Variants in ZBTB20 observed in about 807,000 individuals in gnomAD.
The protein encoded by ZBTB20 is zinc finger and BTB domain containing 20, also known as zinc finger and BTB domain-containing protein 20.
A neutral mutation model predicts 56.9 loss-of-function variants in ZBTB20; 9 were observed. That is an observed-to-expected ratio of 0.16 (90% CI 0.10 to 0.28). The LOEUF (loss-of-function observed/expected upper bound fraction) is 0.28, where lower values mean the gene tolerates loss of function less well. ZBTB20 is among the 10% of genes least tolerant of loss of function. The pLI, the probability that ZBTB20 is intolerant of heterozygous loss-of-function variation, is 1.00. For synonymous variants in ZBTB20, 417 were observed against 420.7 expected, an observed-to-expected ratio of 0.99 and a Z score of 0.11; for missense variants, 655 against 1,003.0, an observed-to-expected ratio of 0.65 and a Z score of 4.69.
chr3:114,474,549 G>A (rs1032858511), intron 7 of ZBTB20, among the ~76,000 whole-genome samples: 3 of 151,990 alleles, frequency 2.0e-5, no homozygotes, highest in African/African-American at 4.8e-5. Context: ...CTCCAAGCCC[G>A]GCCCTTCTGC....
chr3:115,052,315 G>C (rs1419847970), intron 2 of ZBTB20, among the ~76,000 whole-genome samples: 4 of 151,850 alleles, frequency 2.6e-5, no homozygotes. Flanking sequence ...AAATTAGCTG[G>C]GCATGGTGGT....
At chr3:114,582,000 A>T (rs926172147) in intron 6 of ZBTB20, 1 of 152,224 alleles carries the variant, frequency 6.6e-6, no homozygotes, top group Admixed American at 6.5e-5. Context: ...AGAATTGATA[A>T]ATAAATTTTA....
intron 5 of ZBTB20, among the ~76,000 whole-genome samples, chr3:114,793,757 T>C (rs2071147998): frequency 6.6e-6 from 1 of 151,950 alleles, no homozygotes; most frequent in Non-Finnish European, 1.5e-5. Flanking sequence ...TATATCAGAG[T>C]ATGAATGCAG....
chr3:115,046,004 G>A (rs1237363002), intron 2 of ZBTB20, among the ~76,000 whole-genome samples: 1 of 152,108 alleles, frequency 6.6e-6, no homozygotes, highest in Non-Finnish European at 1.5e-5. Context: ...AATTGTGTGA[G>A]CCATAGATCA....
At chr3:114,561,936 C>T (rs970454894) in intron 6 of ZBTB20, among the ~76,000 whole-genome samples, 2 of 152,106 alleles carry the variant, frequency 1.3e-5, no homozygotes, top group Non-Finnish European at 2.9e-5. Flanking sequence ...GTCAGCCACC[C>T]TCATCAATTA....
At chr3:114,707,549 C>T (rs1006240433) in intron 5 of ZBTB20, among the ~76,000 whole-genome samples, 4 of 152,248 alleles carry the variant, frequency 2.6e-5, no homozygotes, top group South Asian at 2.1e-4. Context: ...TATACATGCC[C>T]GACCCTTTCC....
intron 4 of ZBTB20, among the ~76,000 whole-genome samples, chr3:114,844,373 T>TATATATA (rs1467342908): frequency 2.3e-5 from 2 of 88,282 alleles, no homozygotes; most frequent in African/African-American, 7.3e-5. Flanking sequence ...ATATATATAT[T>TATATATA]AGCTGAGAGT....
chr3:114,929,556 T>C (rs901868872), intron 3 of ZBTB20, among the ~76,000 whole-genome samples: 2 of 152,208 alleles, frequency 1.3e-5, no homozygotes, highest in African/African-American at 4.8e-5. Flanking sequence ...GAAATTACTA[T>C]AAAATGTAAT....
intron 1 of ZBTB20, among the ~76,000 whole-genome samples, chr3:115,126,754 G>A (rs377182040): frequency 4.6e-5 from 7 of 152,274 alleles, no homozygotes; most frequent in African/African-American, 1.7e-4. Context: ...TAAGCACAAA[G>A]TTTAAGATAG....
At chr3:114,384,085 T>C (rs926003441) in intron 8 of ZBTB20, among the ~76,000 whole-genome samples, 3 of 150,928 alleles carry the variant, frequency 2.0e-5, no homozygotes, top group Admixed American at 6.6e-5. Context: ...TCAGTCTCTT[T>C]CTTTTCAGTT....
rs749283926 is a variant in ZBTB20 at position 114,381,349 on chromosome 3, T to C, written c.-153-409A>G. 7.9e-5 allele frequency among the ~76,000 whole-genome samples: 12 copies of C among 152,290 alleles called. No homozygotes were observed. The East Asian group carries it at 2.3e-3, about 29-fold the overall frequency. ...AGAAAGTAATTGTTACTAATTGTTA[T>C]ATGGGGTCAGGAATAGGAAGTAAAA... On this transcript the variant is annotated intron_variant, in intron 8 of 11. Transcript: ENST00000675478.
intron 6 of ZBTB20, among the ~76,000 whole-genome samples, chr3:114,679,938 T>C (rs1387871409): frequency 1.3e-5 from 2 of 152,172 alleles, no homozygotes; most frequent in Non-Finnish European, 2.9e-5. Context: ...CATATACACA[T>C]GGAATACTAT....
At chr3:114,741,600 T>G (rs1003346295) in intron 5 of ZBTB20, among the ~76,000 whole-genome samples, 1 of 151,890 alleles carries the variant, frequency 6.6e-6, no homozygotes, top group Non-Finnish European at 1.5e-5. Flanking sequence ...AAGAGGCCGG[T>G]GCGGTGGCTC....
chr3:114,650,034 A>G (rs891314754), intron 6 of ZBTB20, among the ~76,000 whole-genome samples: 1 of 151,988 alleles, frequency 6.6e-6, no homozygotes, highest in African/African-American at 2.4e-5. Flanking sequence ...TTTCAATTAC[A>G]AAGAGAGCTA....
intron 7 of ZBTB20, among the ~76,000 whole-genome samples, chr3:114,419,684 A>G (rs1244176204): frequency 6.6e-6 from 1 of 152,134 alleles, no homozygotes; most frequent in Non-Finnish European, 1.5e-5. Flanking sequence ...CACACTTAGC[A>G]TATAAAATAA....
intron 7 of ZBTB20, among the ~76,000 whole-genome samples, chr3:114,426,381 C>A (rs1210274032): frequency 6.7e-6 from 1 of 149,152 alleles, no homozygotes; most frequent in Non-Finnish European, 1.5e-5. Context: ...ATTGCCTCCT[C>A]ACTCCAAACA....
intron 5 of ZBTB20, among the ~76,000 whole-genome samples, chr3:114,794,285 AT>A: frequency 6.6e-6 from 1 of 152,094 alleles, no homozygotes; most frequent in South Asian, 2.1e-4. Context: ...TATTGTTCAG[AT>A]TTTTTATTAA....
intron 5 of ZBTB20, among the ~76,000 whole-genome samples, chr3:114,730,410 G>C (rs952623875): frequency 2.6e-5 from 4 of 152,166 alleles, no homozygotes; most frequent in Non-Finnish European, 5.9e-5. Context: ...AGGATTTGTG[G>C]ATATTAGGCA....
intron 3 of ZBTB20, among the ~76,000 whole-genome samples, chr3:114,972,020 T>C (rs931385816): frequency 2.0e-5 from 3 of 152,180 alleles, no homozygotes; most frequent in African/African-American, 4.8e-5. Context: ...CTGAAGAATG[T>C]TTTCCCTTGG....
Sources: gnomAD v4.1 joint callset for allele counts (sites outside exome capture counted in the v4.1 genomes callset) on GRCh38, gnomAD v4.1.1 for gene constraint, MANE v1.5 for transcripts, NCBI Gene and HGNC (gene_info 2026-07-23, HGNC 2026-07-21) for gene names.